Variants in RYR3 observed in about 807,000 individuals in gnomAD.
The protein encoded by RYR3 is ryanodine receptor 3.
A neutral mutation model predicts 584.3 loss-of-function variants in RYR3; 207 were observed. The ratio of observed to expected loss-of-function variants is 0.35; its 90% CI spans 0.32 to 0.40. The LOEUF is 0.40. Among genes scored for constraint, RYR3 ranks in the 10% least tolerant of loss-of-function variants. RYR3 has a pLI of 1.00. For synonymous variants in RYR3, 2,416 were observed against 2,248.5 expected, an observed-to-expected ratio of 1.07 and a Z score of -2.11; for missense variants, 5,616 against 6,089.2, an observed-to-expected ratio of 0.92 and a Z score of 2.59.
At chr15:33,774,719 C>T (rs575538113) in intron 64 of RYR3, among the ~76,000 whole-genome samples, 1 of 152,260 alleles carries the variant, frequency 6.6e-6, no homozygotes, top group Non-Finnish European at 1.5e-5. Flanking sequence ...AAGTCTTTAA[C>T]AGTTGTCAGG....
At chr15:33,408,287 G>T (rs7175746) in intron 1 of RYR3, among the ~76,000 whole-genome samples, 21 of 152,092 alleles carry the variant, frequency 1.4e-4, no homozygotes, top group African/African-American at 5.1e-4. Context: ...AATTTGCTTA[G>T]GATAATGGCC....
At chr15:33,489,122 T>C (rs7167430) in intron 2 of RYR3, among the ~76,000 whole-genome samples, 34,694 of 152,148 alleles carry the variant, frequency 0.23, 5,669 homozygotes, top group African/African-American at 0.46. Flanking sequence ...ACCTGTCACA[T>C]GAGGAAATAT....
intron 48 of RYR3, among the ~76,000 whole-genome samples, chr15:33,732,067 C>G (rs1333628824): frequency 6.6e-6 from 1 of 152,076 alleles, no homozygotes. Flanking sequence ...TACATAGAAG[C>G]CAGACTCTGA....
chr15:33,799,508 G>A (rs982498709), intron 67 of RYR3, among the ~76,000 whole-genome samples: 3 of 152,224 alleles, frequency 2.0e-5, no homozygotes, highest in Non-Finnish European at 4.4e-5. Flanking sequence ...TACTGGGAAG[G>A]TGGTGTGCCT....
intron 38 of RYR3, among the ~76,000 whole-genome samples, chr15:33,676,874 C>A (rs747838975): frequency 2.6e-5 from 4 of 152,162 alleles, no homozygotes; most frequent in Admixed American, 6.5e-5. Context: ...TTGAATCAAT[C>A]ATTGTCAGGC....
intron 36 of RYR3, among the ~76,000 whole-genome samples, chr15:33,665,256 G>T (rs1281370596): frequency 6.6e-6 from 1 of 152,186 alleles, no homozygotes; most frequent in Non-Finnish European, 1.5e-5. Context: ...ATTGCTCGCT[G>T]TGTGGTCTTC....
chr15:33,389,882 A>G (rs1013100470), intron 1 of RYR3, among the ~76,000 whole-genome samples: 3 of 152,218 alleles, frequency 2.0e-5, no homozygotes, highest in Admixed American at 2.0e-4. Flanking sequence ...AGTAATATTT[A>G]TGAAAATGTA....
At chr15:33,406,007 G>A (rs1567176004) in intron 1 of RYR3, among the ~76,000 whole-genome samples, 4 of 152,180 alleles carry the variant, frequency 2.6e-5, no homozygotes. Flanking sequence ...ACTCTCAGTG[G>A]CTCTGCTTAG....
At chr15:33,737,424 T>A (rs1035731503) in intron 49 of RYR3, among the ~76,000 whole-genome samples, 2 of 152,240 alleles carry the variant, frequency 1.3e-5, no homozygotes, top group African/African-American at 4.8e-5. Flanking sequence ...TATTCCCATA[T>A]GCAAAAGTGT....
At chr15:33,435,837 C>G (rs2045668405) in intron 1 of RYR3, among the ~76,000 whole-genome samples, 1 of 152,186 alleles carries the variant, frequency 6.6e-6, no homozygotes, top group Non-Finnish European at 1.5e-5. Context: ...TGAAGAGCTA[C>G]AGAACAAAGC....
In RYR3 at chr15:33,757,560, G is replaced by A; in HGVS notation, c.8669G>A (p.Gly2890Glu). ...CCTCTGAAGCCCCTTAGCAGCAGCG[G>A]ATATGCCTCCCATAAGGAGAAAGAA... ...SSPLKPLSSS[G>E]YASHKEKEMV... The change falls in exon 60 of 104, where the codon GGA (glycine) becomes GAA (glutamate). Residue 2890 changes from glycine to glutamate, a missense_variant. Around this residue, in one of 9 missense-constraint regions of RYR3, gnomAD observed 1,280 missense variants for 1,426.2 expected, o/e 0.90. Coordinates refer to ENST00000634891, the MANE Select transcript of RYR3 (RefSeq NM_001036.6). 1 of 1,611,498 alleles carries A rather than the reference G, an allele frequency of 6.2e-7. No individual in the cohort carries two copies. The highest frequency in any genetic ancestry group is 1.1e-5 in the South Asian group (1 of 90,010).
At chr15:33,845,091 C>A in intron 93 of RYR3, 29 bp downstream of exon 93, 1 of 1,609,260 alleles carries the variant, frequency 6.2e-7, no homozygotes, top group Non-Finnish European at 8.5e-7. Flanking sequence ...TGGATCTAAT[C>A]TCACTCCTTG....
At chr15:33,480,378 T>C (rs1229043193) in intron 2 of RYR3, among the ~76,000 whole-genome samples, 3 of 152,248 alleles carry the variant, frequency 2.0e-5, no homozygotes, top group African/African-American at 7.2e-5. Flanking sequence ...AATTGTAATA[T>C]GCTTTACAGC....
At chr15:33,361,653 T>C (rs949286981) in intron 1 of RYR3, among the ~76,000 whole-genome samples, 1 of 152,200 alleles carries the variant, frequency 6.6e-6, no homozygotes. Context: ...TCGCTGTGAC[T>C]TCCTTTACAA....
chr15:33,837,608 G>A (rs2078126670), intron 88 of RYR3, 23 bp from the exon 89 acceptor site: 7 of 1,539,086 alleles, frequency 4.5e-6, no homozygotes, highest in Non-Finnish European at 5.2e-6. Flanking sequence ...ATATTTGTAT[G>A]TCTTTTTGAA....
chr15:33,612,630 G>T (rs2060252289), intron 18 of RYR3, among the ~76,000 whole-genome samples: 1 of 152,210 alleles, frequency 6.6e-6, no homozygotes, highest in African/African-American at 2.4e-5. Context: ...GAAGTGCTGG[G>T]ATTACAGGCG....
chr15:33,661,375 GAGTATGTTTGTGAAAACAAAACA>G (rs541354940), intron 34 of RYR3, among the ~76,000 whole-genome samples: 6 of 152,350 alleles, frequency 3.9e-5, no homozygotes, highest in African/African-American at 4.8e-5. Flanking sequence ...CAAGAGTGCA[GAGTATGTTTGTGAAAACAAAACA>G]AGTATGTTTG....
At position 33,854,428 on chromosome 15, in the gene RYR3, T is replaced by G. The variant is rs982769784; in HGVS notation, c.13839T>G (p.Leu4613=). 3 of 1,575,640 alleles carry G rather than the reference T, an allele frequency of 1.9e-6. No individual in the cohort carries two copies. The highest frequency in any genetic ancestry group is 2.6e-6 in the Non-Finnish European group (3 of 1,159,546). ...SIDMKYHIWK[L]GVVFTDNSFL... is the part of the protein sequence containing the mutation. ...ACATGAAGTACCATATCTGGAAGCT[T>G]GGAGTTGTTTTTACTGACAACGTAA... The change falls in exon 97 of 104, where the codon CTT becomes CTG. Residue 4613 remains leucine, a synonymous_variant. Coordinates refer to ENST00000634891, the MANE Select transcript of RYR3 (RefSeq NM_001036.6).
intron 12 of RYR3, among the ~76,000 whole-genome samples, chr15:33,573,839 A>G (rs949864820): frequency 6.6e-6 from 1 of 152,234 alleles, no homozygotes; most frequent in Non-Finnish European, 1.5e-5. Context: ...TATGAATGCC[A>G]TGATGCTTTC....
Sources: gnomAD v4.1 joint callset for allele counts (sites outside exome capture counted in the v4.1 genomes callset) on GRCh38, gnomAD v4.1.1 for gene constraint, gnomAD v4.1.1 regional missense constraint, MANE v1.5 for transcripts, NCBI Gene and HGNC (gene_info 2026-07-23, HGNC 2026-07-21) for gene names.